Variants in CASC3 observed in about 807,000 individuals in gnomAD.
The protein encoded by CASC3 is protein CASC3.
A neutral mutation model predicts 80.5 loss-of-function variants in CASC3; 30 were observed. The ratio of observed to expected loss-of-function variants is 0.37; its 90% CI spans 0.28 to 0.51. The LOEUF (loss-of-function observed/expected upper bound fraction) is 0.51. Ranked by LOEUF, CASC3 falls within the 20% of genes least tolerant of loss-of-function variation. CASC3 has a pLI of 0.94. For missense variants in CASC3, 824 were observed against 922.2 expected (o/e 0.89, Z 1.38); for synonymous variants, 312 against 333.6 (o/e 0.94, Z 0.70).
chr17:40,154,105 GTTTTTTTTT>G (rs548654217), intron 3 of CASC3, among the ~76,000 whole-genome samples: 1 of 76,768 alleles, frequency 1.3e-5, no homozygotes, highest in African/African-American at 5.4e-5. Context: ...GATGCTGAGC[GTTTTTTTTT>G]TTTTTTTTTT....
At chr17:40,148,382 T>A (rs75423829) in intron 3 of CASC3, among the ~76,000 whole-genome samples, 3 of 150,538 alleles carry the variant, frequency 2.0e-5, no homozygotes, top group Non-Finnish European at 2.9e-5. Context: ...TTTTTTTTTT[T>A]AAGACAGAGT....
chr17:40,165,285 G>A (rs1010543172), intron 7 of CASC3, among the ~76,000 whole-genome samples: 2 of 151,696 alleles, frequency 1.3e-5, no homozygotes, highest in Non-Finnish European at 2.9e-5. Context: ...GGCTGGTCTC[G>A]AACTCCTGAC....
chr17:40,159,419 A>T (rs762176150), intron 3 of CASC3, among the ~76,000 whole-genome samples: 40 of 152,002 alleles, frequency 2.6e-4, no homozygotes, highest in Non-Finnish European at 4.3e-4. Context: ...TCTGTTGTCC[A>T]GGTTGGAGTG....
Position 40,144,334 on chromosome 17 carries a change from ACTTT to A in CASC3, c.297+2732_297+2735del, listed in dbSNP as rs1988796936. Reference sequence around the variant, plus strand: ...ACTGTGTACTCAACAAAAATTAAAAACTTTCTTTTTCTTTTTTTTTTTTTGCTTG... The same window carrying A: ...ACTGTGTACTCAACAAAAATTAAAAACTTTTTCTTTTTTTTTTTTTGCTTG... On this transcript the variant is annotated intron_variant, in intron 3 of 13. Transcript: ENST00000264645. Among the ~76,000 whole-genome samples the A allele has an allele frequency of 2.6e-5, 4 of 151,164 alleles. No individual in the cohort carries two copies. In the South Asian group the frequency reaches 6.2e-4, roughly 24 times the overall value.
chr17:40,163,874 A>G lies in CASC3; in HGVS notation c.1179A>G (p.Pro393=). 6 of 1,613,900 alleles carry G rather than the reference A, an allele frequency of 3.7e-6. No homozygotes were observed. Among genetic ancestry groups the G allele is most frequent in the Non-Finnish European group, 5.1e-6 (6 of 1,179,980 alleles). Residue 393 remains proline, a synonymous_variant, in exon 7 of 14, where the codon CCA becomes CCG. Transcript: ENST00000264645. ...CTGCTGCTCCTGATGCTGCACCACCACCCCCTGATAGGCCCATTGAGAAGA... is the reference window on the plus strand; with the variant it reads ...CTGCTGCTCCTGATGCTGCACCACCGCCCCCTGATAGGCCCATTGAGAAGA... ...PPAAAPDAAP[P]PPDRPIEKKS... is the part of the protein sequence containing the mutation.
Position 40,169,582 on chromosome 17 carries a change from A to C in CASC3, c.2089-16A>C. The stretch of plus-strand genomic sequence containing the variant: ...TTGTTATGACCTGATAACAAATTCC[A>C]ACTTTGTTATTTCAGGTTGTAAGCA... On this transcript the variant is annotated splice_polypyrimidine_tract_variant and intron_variant, in intron 12 of 13. Transcript: ENST00000264645. 1.3e-6 allele frequency: 2 copies of C among 1,592,194 alleles called. No individual in the cohort carries two copies. The highest frequency in any genetic ancestry group is 1.7e-6 in the Non-Finnish European group (2 of 1,171,160).
At chr17:40,147,710 T>G (rs1240466614) in intron 3 of CASC3, among the ~76,000 whole-genome samples, 2 of 152,094 alleles carry the variant, frequency 1.3e-5, no homozygotes, top group Admixed American at 6.6e-5. Context: ...GTGTTAACTG[T>G]TAAGGAAGGG....
At chr17:40,166,304 G>C (rs1241963269) in intron 7 of CASC3, among the ~76,000 whole-genome samples, 2 of 152,136 alleles carry the variant, frequency 1.3e-5, no homozygotes, top group Non-Finnish European at 2.9e-5. Flanking sequence ...ACAATCTCTA[G>C]AACATTCCTT....
At position 40,169,435 on chromosome 17, in the gene CASC3, C is replaced by T; in HGVS notation, c.2077C>T (p.Pro693Ser). 1 of 1,608,916 alleles carries T rather than the reference C, an allele frequency of 6.2e-7. No homozygotes were observed. The highest frequency in any genetic ancestry group is 8.5e-7 in the Non-Finnish European group (1 of 1,178,042). The change falls in exon 12 of 14, where the codon CCT (proline) becomes TCT (serine). Residue 693 changes from proline (P) to serine (S), a missense_variant. Around this residue, in one of 3 missense-constraint regions of CASC3, gnomAD observed 464 missense variants for 506.0 expected, o/e 0.92. Transcript: ENST00000264645. ...RTPQPVTIKP[P>S]PPEVVSRGSS ...TCCCCAGCCAGTCACCATCAAGCCC[C>T]CTCCACCTGAGGTATGAGAGTTCCT...
chr17:40,142,083 A>G (rs1251243110), intron 3 of CASC3, among the ~76,000 whole-genome samples: 2 of 152,208 alleles, frequency 1.3e-5, no homozygotes, highest in African/African-American at 2.4e-5. Flanking sequence ...TGGATAAACT[A>G]CTAGAGATGC....
Position 40,168,217 on chromosome 17 carries a change from C to T in CASC3, c.1765C>T (p.Gln589Ter). 1.2e-6 allele frequency: 2 copies of T among 1,614,052 alleles called. No homozygotes were observed. The highest frequency in any genetic ancestry group is 1.7e-6 in the Non-Finnish European group (2 of 1,179,966). The change falls in exon 11 of 14, where the codon CAG becomes TAG. Residue 589 changes from glutamine to a stop codon, truncating the protein, a stop_gained. Coordinates refer to ENST00000264645, the MANE Select transcript of CASC3 (RefSeq NM_007359.5). LOFTEE classifies it high-confidence loss of function. ...TCCTTATCCAGGTTTACATCCCCAC[C>T]AGACACCAGCTCCTCTGCCCAATCC... ...NLPHPGLHPH[Q>*]TPAPLPNPGL...
chr17:40,153,315 C>G (rs1229612122), intron 3 of CASC3, among the ~76,000 whole-genome samples: 2 of 152,038 alleles, frequency 1.3e-5, no homozygotes, highest in Non-Finnish European at 2.9e-5. Context: ...TCACAAATGT[C>G]AAAATTTTTT....
rs1989575131 is a variant in CASC3 at position 40,170,832 on chromosome 17, T to C, written c.*427T>C. ...CCTGGCTTCTTATCCTTAATATTAT[T>C]TTAATTTTTTCTCTTTGTTTCTGTT... On this transcript the variant is annotated 3_prime_UTR_variant, in exon 14 of 14. Transcript: ENST00000264645. 1.0e-6 allele frequency: 1 copy of C among 984,676 alleles called. No homozygotes were observed. Among genetic ancestry groups the C allele is most frequent in the South Asian group, 4.7e-5 (1 of 21,266 alleles). The allele number at this position is 984,676 out of a possible 1,614,324, so 61.0% of individuals were successfully genotyped here. A position where few individuals can be genotyped will look rare whatever the true frequency, so the allele number is the denominator to read the frequency against.
rs1416750818 is a variant in CASC3 at position 40,161,922 on chromosome 17, T to A, written c.456+11T>A. ...AGTGGGGACGGACAGGTTAGTACAT[T>A]CCACAGTCCTCCATTTTAGAGGCTG... On this transcript the variant is annotated intron_variant, in intron 4 of 13. Coordinates refer to ENST00000264645, the MANE Select transcript of CASC3 (RefSeq NM_007359.5). 2.5e-6 allele frequency: 4 copies of A among 1,613,522 alleles called. No individual in the cohort carries two copies. Among genetic ancestry groups the A allele is most frequent in the Non-Finnish European group, 3.4e-6 (4 of 1,179,822 alleles).
rs1598433201 is a variant in CASC3 at position 40,170,657 on chromosome 17, A to G, written c.*252A>G. 1.0e-6 allele frequency: 1 copy of G among 985,466 alleles called. No homozygotes were observed. 61.0% of individuals were successfully genotyped at this position (985,466 alleles called of 1,614,324 possible). A position where few individuals can be genotyped will look rare whatever the true frequency, so the allele number is the denominator to read the frequency against. ...TTGAGTTGGCTGTGTTCGGGGGAGC[A>G]GAGAGAGCCAGACAGCCCCAAGCTT... On this transcript the variant is annotated 3_prime_UTR_variant, in exon 14 of 14. Coordinates refer to ENST00000264645, the MANE Select transcript of CASC3 (RefSeq NM_007359.5).
At chr17:40,155,047 GC>G (rs772051455) in intron 3 of CASC3, among the ~76,000 whole-genome samples, 6 of 151,678 alleles carry the variant, frequency 4.0e-5, no homozygotes, top group Non-Finnish European at 5.9e-5. Flanking sequence ...CCGCCACCAC[GC>G]CCAGCTGATT....
chr17:40,157,130 G>T (rs1391948320), intron 3 of CASC3, among the ~76,000 whole-genome samples: 1 of 151,950 alleles, frequency 6.6e-6, no homozygotes, highest in Non-Finnish European at 1.5e-5. Context: ...TGGATCACGA[G>T]GTCAGGAGAT....
chr17:40,153,214 A>G (rs1018753647), intron 3 of CASC3, among the ~76,000 whole-genome samples: 4 of 152,240 alleles, frequency 2.6e-5, no homozygotes, highest in East Asian at 1.9e-4. Flanking sequence ...CTCTGTTTCT[A>G]TGAGTTTGAC....
At chr17:40,141,087 T>A (rs1988703046) in intron 1 of CASC3, 120 bp from the exon 2 acceptor site, 6 of 934,484 alleles carry the variant, frequency 6.4e-6, no homozygotes, top group Non-Finnish European at 1.0e-5. Context: ...GATTTACCTA[T>A]CTCTGTCTCC....
Sources: allele counts gnomAD v4.1 joint callset (sites outside exome capture counted in the v4.1 genomes callset), GRCh38; gene constraint gnomAD v4.1.1; regional missense constraint gnomAD v4.1.1; transcripts MANE v1.5; gene names NCBI Gene and HGNC (gene_info 2026-07-23, HGNC 2026-07-21).